MYO16: variants seen among roughly 807,000 people sequenced by gnomAD.
MYO16 encodes myosin XVI.
Under a neutral mutation model 205.3 loss-of-function variants are expected in MYO16, and 94 were observed. The ratio of observed to expected loss-of-function variants is 0.46; its 90% CI spans 0.39 to 0.54. MYO16 has a LOEUF of 0.54. Among genes scored for constraint, MYO16 ranks in the 20% least tolerant of loss-of-function variants. The pLI, the probability that MYO16 is intolerant of heterozygous loss-of-function variation, is 0.00. For missense variants in MYO16, 2,315 were observed against 2,387.5 expected (o/e 0.97, Z 0.63); for synonymous variants, 988 against 954.0 (o/e 1.04, Z -0.66).
At chr13:108,677,135 G>A (rs976337665) in intron 2 of MYO16, among the ~76,000 whole-genome samples, 1 of 152,048 alleles carries the variant, frequency 6.6e-6, no homozygotes, top group Non-Finnish European at 1.5e-5. Flanking sequence ...TGCTGGGGAT[G>A]TGCAGAAGGA....
chr13:108,827,416 A>G (rs1486212968), intron 9 of MYO16, among the ~76,000 whole-genome samples: 1 of 152,180 alleles, frequency 6.6e-6, no homozygotes, highest in Non-Finnish European at 1.5e-5. Context: ...GGTTAAGGAC[A>G]TCACTTCCAC....
chr13:108,652,183 G>C (rs1178152043), intron 1 of MYO16, among the ~76,000 whole-genome samples: 2 of 152,296 alleles, frequency 1.3e-5, no homozygotes, highest in Admixed American at 6.5e-5. Flanking sequence ...GCGCGTGTGT[G>C]TGTGTGAATG....
intron 28 of MYO16, among the ~76,000 whole-genome samples, chr13:109,106,891 G>A (rs1427462340): frequency 6.6e-6 from 1 of 152,190 alleles, no homozygotes; most frequent in Non-Finnish European, 1.5e-5. Flanking sequence ...GTTTGAGGCA[G>A]GAACTTGTGA....
At chr13:108,768,812 T>C (rs538052348) in intron 4 of MYO16, among the ~76,000 whole-genome samples, 145 of 152,216 alleles carry the variant, frequency 9.5e-4, no homozygotes, top group Non-Finnish European at 1.9e-4. Context: ...GGGCTTAAAA[T>C]TGACAAGTAC....
At chr13:109,111,843 C>T (rs572424986) in intron 28 of MYO16, among the ~76,000 whole-genome samples, 192 of 152,098 alleles carry the variant, frequency 1.3e-3, no homozygotes, top group Middle Eastern at 3.4e-3. Flanking sequence ...CGTGCCACCA[C>T]GCCCGGCTAA....
intron 21 of MYO16, among the ~76,000 whole-genome samples, chr13:109,004,312 A>G (rs1394164218): frequency 6.6e-6 from 1 of 152,194 alleles, no homozygotes; most frequent in Non-Finnish European, 1.5e-5. Context: ...TCATTCCATA[A>G]GAGAAGTCAT....
At chr13:109,089,200 TATTATTATTATTATTGTC>T in intron 27 of MYO16, among the ~76,000 whole-genome samples, 1 of 150,878 alleles carries the variant, frequency 6.6e-6, no homozygotes, top group South Asian at 2.1e-4. Context: ...TTATTATTAT[TATTATTATTATTATTGTC>T]ATTATTATTA....
chr13:109,092,629 T>G (rs1888657279), intron 27 of MYO16, among the ~76,000 whole-genome samples: 1 of 152,096 alleles, frequency 6.6e-6, no homozygotes, highest in Non-Finnish European at 1.5e-5. Context: ...GTACTGGGCT[T>G]AATAGCTGGG....
intron 2 of MYO16, among the ~76,000 whole-genome samples, chr13:108,682,578 C>A (rs972911435): frequency 3.3e-5 from 5 of 151,942 alleles, no homozygotes; most frequent in African/African-American, 1.2e-4. Context: ...TATTCCACAA[C>A]AAACAAAGTG....
chr13:108,558,243 AC>A, the MYO16 span, among the ~76,000 whole-genome samples: 1 of 152,166 alleles, frequency 6.6e-6, no homozygotes, highest in African/African-American at 2.4e-5. Context: ...GGCCTGCTTT[AC>A]ATGGAAGTCG....
At chr13:108,528,508 T>C in the MYO16 span, among the ~76,000 whole-genome samples, 1 of 148,564 alleles carries the variant, frequency 6.7e-6, no homozygotes, top group African/African-American at 2.5e-5. Flanking sequence ...GTTCCCCAAA[T>C]TGTACTTGAA....
chr13:108,626,181 A>C (rs1308216439), upstream of MYO16, among the ~76,000 whole-genome samples: 1 of 152,158 alleles, frequency 6.6e-6, no homozygotes, highest in Non-Finnish European at 1.5e-5. Flanking sequence ...TCATGTGTTC[A>C]TATCAGAAAT....
At chr13:108,721,832 C>G (rs74697592) in intron 3 of MYO16, among the ~76,000 whole-genome samples, 5,087 of 152,178 alleles carry the variant, frequency 0.033, 230 homozygotes, top group East Asian at 0.21. Flanking sequence ...GTTCTCTGGA[C>G]ATTTCCAGAA....
At chr13:108,647,836 GC>G (rs568587646) in intron 1 of MYO16, among the ~76,000 whole-genome samples, 2 of 152,150 alleles carry the variant, frequency 1.3e-5, no homozygotes, top group Non-Finnish European at 2.9e-5. Flanking sequence ...TAAATACAAA[GC>G]TTTGCATATA....
chr13:108,674,699 G>T (rs949126047), intron 2 of MYO16, among the ~76,000 whole-genome samples: 1 of 152,132 alleles, frequency 6.6e-6, no homozygotes, highest in Non-Finnish European at 1.5e-5. Flanking sequence ...GAACATTACT[G>T]GATGTGATGT....
At chr13:108,914,416 G>T (rs767979918) in intron 16 of MYO16, among the ~76,000 whole-genome samples, 1 of 151,994 alleles carries the variant, frequency 6.6e-6, no homozygotes, top group Admixed American at 6.6e-5. Context: ...TTATCCCACA[G>T]TGTAGCTTTT....
At chr13:109,192,994 A>T (rs906522871) in intron 34 of MYO16, among the ~76,000 whole-genome samples, 14 of 152,202 alleles carry the variant, frequency 9.2e-5, no homozygotes, top group African/African-American at 3.4e-4. Flanking sequence ...AGCCAAAATC[A>T]TGCCTCTTCA....
At chr13:109,128,983 G>T (rs1371201709) in intron 31 of MYO16, among the ~76,000 whole-genome samples, 1 of 151,618 alleles carries the variant, frequency 6.6e-6, no homozygotes, top group African/African-American at 2.4e-5. Flanking sequence ...TGTTGGCCAG[G>T]CTGGTCTTGA....
At chr13:108,950,962 C>T (rs902109167) in intron 16 of MYO16, among the ~76,000 whole-genome samples, 4 of 152,004 alleles carry the variant, frequency 2.6e-5, no homozygotes, top group Non-Finnish European at 4.4e-5. Context: ...TTTTCCCTTT[C>T]GAAAAATTTG....
Sources: allele counts gnomAD v4.1 joint callset (sites outside exome capture counted in the v4.1 genomes callset), GRCh38; gene constraint gnomAD v4.1.1; transcripts MANE v1.5; gene names NCBI Gene and HGNC (gene_info 2026-07-23, HGNC 2026-07-21).